Variants in EXOC6B observed in about 807,000 individuals in gnomAD.
The protein encoded by EXOC6B is SEC15 homolog B.
EXOC6B carries 54 observed loss-of-function variants against 113.5 expected under a neutral mutation model. The ratio of observed to expected loss-of-function variants is 0.48; its 90% CI spans 0.38 to 0.60. The LOEUF (loss-of-function observed/expected upper bound fraction) is 0.60. Among genes scored for constraint, EXOC6B ranks in the 20% least tolerant of loss-of-function variants. EXOC6B has a pLI of 0.00. For missense variants in EXOC6B, 797 were observed against 977.5 expected, an observed-to-expected ratio of 0.82 and a Z score of 2.46; for synonymous variants, 357 against 339.0, an observed-to-expected ratio of 1.05 and a Z score of -0.58.
intron 6 of EXOC6B, among the ~76,000 whole-genome samples, chr2:72,625,120 C>T (rs1157011524): frequency 6.6e-6 from 1 of 151,240 alleles, no homozygotes; most frequent in Admixed American, 6.6e-5. Context: ...CAGAATCTCG[C>T]TATATTGTTC....
intron 5 of EXOC6B, among the ~76,000 whole-genome samples, chr2:72,723,064 C>T (rs914592748): frequency 6.6e-6 from 1 of 152,076 alleles, no homozygotes; most frequent in Admixed American, 6.5e-5. Flanking sequence ...ATTTCAATAT[C>T]CGTGACAGGT....
At chr2:72,531,107 G>A (rs1395135048) in intron 8 of EXOC6B, among the ~76,000 whole-genome samples, 5 of 151,948 alleles carry the variant, frequency 3.3e-5, no homozygotes, top group African/African-American at 1.2e-4. Context: ...GTTTTTTTGT[G>A]TTGTTTTATG....
At chr2:72,357,464 G>A (rs949504627) in intron 19 of EXOC6B, among the ~76,000 whole-genome samples, 6 of 152,134 alleles carry the variant, frequency 3.9e-5, no homozygotes. Flanking sequence ...GGCAAGGCAG[G>A]TGGGTCATTT....
intron 11 of EXOC6B, among the ~76,000 whole-genome samples, chr2:72,501,650 G>GTAA (rs1700324804): frequency 6.7e-6 from 1 of 148,300 alleles, no homozygotes; most frequent in Non-Finnish European, 1.5e-5. Flanking sequence ...TCTTTTCATG[G>GTAA]TTAATAAATT....
intron 2 of EXOC6B, 72 bp downstream of exon 2, chr2:72,741,232 T>A: frequency 1.4e-6 from 2 of 1,421,708 alleles, no homozygotes; most frequent in East Asian, 4.7e-5. Context: ...TATGTTATAA[T>A]CCTTAATCCT....
chr2:72,261,512 C>A (rs940708253), intron 20 of EXOC6B, among the ~76,000 whole-genome samples: 1 of 152,094 alleles, frequency 6.6e-6, no homozygotes, highest in East Asian at 1.9e-4. Flanking sequence ...AATTTGCTAC[C>A]CAATATAAAA....
At chr2:72,448,416 A>G (rs989493015) in intron 18 of EXOC6B, among the ~76,000 whole-genome samples, 21 of 152,186 alleles carry the variant, frequency 1.4e-4, no homozygotes, top group African/African-American at 4.6e-4. Flanking sequence ...AATATAGGTA[A>G]TATCTTACAA....
At chr2:72,472,741 C>A (rs111740455) in intron 17 of EXOC6B, among the ~76,000 whole-genome samples, 3 of 151,936 alleles carry the variant, frequency 2.0e-5, no homozygotes, top group Admixed American at 6.6e-5. Flanking sequence ...TGGTTTGTTG[C>A]TGCTTTCCTG....
At chr2:72,473,202 A>T (rs1358294216) in intron 17 of EXOC6B, among the ~76,000 whole-genome samples, 3 of 152,260 alleles carry the variant, frequency 2.0e-5, no homozygotes, top group East Asian at 3.9e-4. Flanking sequence ...CTTTCGGTCT[A>T]AAGTCCAGTT....
chr2:72,774,715 A>G (rs1683598007), intron 1 of EXOC6B, among the ~76,000 whole-genome samples: 1 of 152,164 alleles, frequency 6.6e-6, no homozygotes, highest in Admixed American at 6.5e-5. Flanking sequence ...CAATTCTCTG[A>G]CACTACTGAT....
intron 6 of EXOC6B, among the ~76,000 whole-genome samples, chr2:72,622,252 A>G (rs1671794212): frequency 6.6e-6 from 1 of 150,988 alleles, no homozygotes; most frequent in Non-Finnish European, 1.5e-5. Flanking sequence ...AACTCTTCTC[A>G]GCCCCACCCC....
Position 72,552,748 on chromosome 2 carries a change from G to A in EXOC6B, c.915+6705C>T, listed in dbSNP as rs549053768. Among the ~76,000 whole-genome samples, 3 of 151,948 alleles carry A rather than the reference G, an allele frequency of 2.0e-5. No homozygotes were observed. In the South Asian group the frequency reaches 6.2e-4, roughly 31 times the overall value. ...TTAATATCAAAAAAAATCTATCAATGAAATTCACCATATTCATAAACTAAA... is the reference window on the plus strand; with the variant it reads ...TTAATATCAAAAAAAATCTATCAATAAAATTCACCATATTCATAAACTAAA... On this transcript the variant is annotated intron_variant, in intron 8 of 21. Transcript: ENST00000272427.
chr2:72,790,895 G>T (rs1410434070), intron 1 of EXOC6B, among the ~76,000 whole-genome samples: 1 of 152,002 alleles, frequency 6.6e-6, no homozygotes. Flanking sequence ...AAAAAAAATT[G>T]AACTCAGAAG....
chr2:72,780,474 A>G (rs147787688), intron 1 of EXOC6B, among the ~76,000 whole-genome samples: 113 of 152,290 alleles, frequency 7.4e-4, no homozygotes, highest in African/African-American at 2.6e-3. Flanking sequence ...GTATAGGTAG[A>G]ACAAAACTGC....
At chr2:72,425,100 C>T (rs759389786) in intron 18 of EXOC6B, among the ~76,000 whole-genome samples, 24 of 152,090 alleles carry the variant, frequency 1.6e-4, no homozygotes, top group East Asian at 3.9e-4. Flanking sequence ...ACAATTTGAA[C>T]GCAAGTTATT....
chr2:72,484,142 C>A (rs1394544188), intron 16 of EXOC6B, among the ~76,000 whole-genome samples: 3 of 135,318 alleles, frequency 2.2e-5, no homozygotes, highest in Non-Finnish European at 3.2e-5. Context: ...GAGGTAATTT[C>A]TTTTTTTTTT....
At chr2:72,614,937 C>A (rs1211983919) in intron 6 of EXOC6B, among the ~76,000 whole-genome samples, 1 of 152,004 alleles carries the variant, frequency 6.6e-6, no homozygotes, top group Non-Finnish European at 1.5e-5. Context: ...ATAAGAAATT[C>A]CCTGCCACAC....
chr2:72,488,813 G>A (rs1699572439), intron 16 of EXOC6B, among the ~76,000 whole-genome samples: 1 of 152,012 alleles, frequency 6.6e-6, no homozygotes, highest in Non-Finnish European at 1.5e-5. Flanking sequence ...TCACTACCAT[G>A]GTCAATGTGA....
chr2:72,315,121 CAATT>C (rs1007031820), intron 20 of EXOC6B, among the ~76,000 whole-genome samples: 1 of 152,058 alleles, frequency 6.6e-6, no homozygotes, highest in Non-Finnish European at 1.5e-5. Flanking sequence ...GGAAATGTCT[CAATT>C]AAGTGAACTT....
Sources: gnomAD v4.1 joint callset for allele counts (sites outside exome capture counted in the v4.1 genomes callset) on GRCh38, gnomAD v4.1.1 for gene constraint, MANE v1.5 for transcripts, NCBI Gene and HGNC (gene_info 2026-07-23, HGNC 2026-07-21) for gene names.